Variants in PPP1R9B observed in about 807,000 individuals in gnomAD.
PPP1R9B encodes the protein neurabin-2.
Under a neutral mutation model 75.8 loss-of-function variants are expected in PPP1R9B, and 17 were observed. The ratio of observed to expected loss-of-function variants is 0.22; its 90% CI spans 0.15 to 0.34. The LOEUF (loss-of-function observed/expected upper bound fraction) is 0.34. Among genes scored for constraint, PPP1R9B ranks in the 10% least tolerant of loss-of-function variants. The pLI, the probability that PPP1R9B is intolerant of heterozygous loss-of-function variation, is 1.00. For missense variants in PPP1R9B, 875 were observed against 1,196.0 expected (o/e 0.73, Z 3.96); for synonymous variants, 509 against 535.4 (o/e 0.95, Z 0.68).
In PPP1R9B at chr17:50,135,012, G is replaced by C. The variant is rs1454890126; in HGVS notation, c.*319C>G. 2.4e-6 allele frequency: 1 copy of C among 422,004 alleles called. No individual in the cohort carries two copies. Among genetic ancestry groups the C allele is most frequent in the Non-Finnish European group, 4.4e-6 (1 of 227,326 alleles). 26.1% of individuals were successfully genotyped at this position (422,004 alleles called of 1,614,324 possible). On this transcript the variant is annotated 3_prime_UTR_variant, in exon 10 of 10. Coordinates refer to ENST00000612501, the MANE Select transcript of PPP1R9B (RefSeq NM_032595.5). ...AGAGACAAAAGCTGGAGTGTGTAAAGTCTGGCAGTTTGATCTGCAGGTGCT... is the reference window on the plus strand; with the variant it reads ...AGAGACAAAAGCTGGAGTGTGTAAACTCTGGCAGTTTGATCTGCAGGTGCT...
chr17:50,135,293 G>T lies in PPP1R9B; in HGVS notation c.*38C>A. ...GGACAGGGGAGGGAGGACAATGGGAGGGGGGTTAATTATTGTCCAGTCATG... is the reference window on the plus strand; with the variant it reads ...GGACAGGGGAGGGAGGACAATGGGATGGGGGTTAATTATTGTCCAGTCATG... On this transcript the variant is annotated 3_prime_UTR_variant, in exon 10 of 10. Transcript: ENST00000612501. The T allele has an allele frequency of 6.4e-7, 1 of 1,558,174 alleles. No homozygotes were observed. The highest frequency in any genetic ancestry group is 2.2e-5 in the East Asian group (1 of 44,618).
At chr17:50,136,657 G>A (rs1161172494) in intron 7 of PPP1R9B, among the ~76,000 whole-genome samples, 1 of 152,052 alleles carries the variant, frequency 6.6e-6, no homozygotes, top group Non-Finnish European at 1.5e-5. Context: ...CTCTGCACTT[G>A]TGGCTTCCTG....
intron 1 of PPP1R9B, chr17:50,145,938 A>T (rs1453273770): frequency 6.5e-6 from 1 of 153,564 alleles, no homozygotes; most frequent in Non-Finnish European, 1.4e-5. Context: ...CAGGGGAAAA[A>T]GCTGGGCCTG....
Position 50,141,387 on chromosome 17 carries a change from A to T in PPP1R9B, c.1626-14T>A. On this transcript the variant is annotated splice_polypyrimidine_tract_variant and intron_variant, in intron 3 of 9. Coordinates refer to ENST00000612501, the MANE Select transcript of PPP1R9B (RefSeq NM_032595.5). ...TTCACCTGGATCCTAGCGGAGTGAC[A>T]TTGGTTAAGGGGTCACAGGGGAACC... 5 of 1,550,626 alleles carry T rather than the reference A, an allele frequency of 3.2e-6. No individual in the cohort carries two copies. Among genetic ancestry groups the T allele is most frequent in the Non-Finnish European group, 3.5e-6 (4 of 1,143,356 alleles).
At chr17:50,138,493 G>A (rs781256188) in intron 7 of PPP1R9B, among the ~76,000 whole-genome samples, 2 of 152,122 alleles carry the variant, frequency 1.3e-5, no homozygotes, top group Non-Finnish European at 2.9e-5. Flanking sequence ...TGCTGTGTCA[G>A]TGTGTGTACT....
In PPP1R9B at chr17:50,150,446, T is replaced by G; in HGVS notation, c.68A>C (p.Tyr23Ser). ...LRSASPHRSA[Y>S]EAGIQALKPP... ...CTTCAGCGCCTGGATGCCCGCCTCG[T>G]AGGCGCTGCGGTGCGGGGAGGCGCT... The change falls in exon 1 of 10, where the codon TAC becomes TCC. Residue 23 changes from tyrosine to serine, a missense_variant. Coordinates refer to ENST00000612501, the MANE Select transcript of PPP1R9B (RefSeq NM_032595.5). This position sits in a 1 kb window ranked among gnomAD's most constrained non-coding sequence, Gnocchi z 8.7. The G allele has an allele frequency of 7.2e-7, 1 of 1,388,976 alleles. No homozygotes were observed. The highest frequency in any genetic ancestry group is 1.5e-5 in the African/African-American group (1 of 65,746). 86.0% of individuals were successfully genotyped at this position (1,388,976 alleles called of 1,614,324 possible).
rs749400208 is a variant in PPP1R9B, at chr17:50,149,266, G to T, written c.1248C>A (p.Asp416Glu). ...AGGGGGGCTCCCCATCCTCCTCGTC[G>T]TCTTCGTCGTCCTCCTCCAGGGCAC... ...AGSALEEDDEDDEEDGEPPYE... is the reference protein window; with the variant it reads ...AGSALEEDDEEDEEDGEPPYE... The change falls in exon 1 of 10, where the codon GAC becomes GAA. Residue 416 changes from aspartate (D) to glutamate (E), a missense_variant. Asp to Glu is a conservative substitution (Grantham distance 45). This residue lies in a region of PPP1R9B where 449 missense variants were observed against 475.0 expected (regional missense o/e 0.95). Transcript: ENST00000612501. The surrounding 1 kb of genome is among the most constrained non-coding windows in gnomAD (Gnocchi z 7.2). 2.5e-6 allele frequency: 4 copies of T among 1,611,956 alleles called. No homozygotes were observed. The East Asian group carries it at 8.9e-5, about 36-fold the overall frequency.
chr17:50,137,680 G>A (rs1213465184), intron 7 of PPP1R9B, among the ~76,000 whole-genome samples: 1 of 152,136 alleles, frequency 6.6e-6, no homozygotes, highest in Non-Finnish European at 1.5e-5. Flanking sequence ...GTGGCTTTCC[G>A]AAAAATCCCA....
In PPP1R9B at chr17:50,139,237, A is replaced by G; in HGVS notation, c.2073+26T>C. 2 of 1,613,982 alleles carry G rather than the reference A, an allele frequency of 1.2e-6. No homozygotes were observed. The highest frequency in any genetic ancestry group is 1.3e-5 in the African/African-American group (1 of 75,062). ...CCTCAACACACACATGCACGCACGC[A>G]AAAGCACACACATACGCACCCTTAC... On this transcript the variant is annotated intron_variant, in intron 7 of 9. Transcript: ENST00000612501. The surrounding 1 kb of genome is among the most constrained non-coding windows in gnomAD (Gnocchi z 5.0).
At position 50,150,344 on chromosome 17, in the gene PPP1R9B, A is replaced by C; in HGVS notation, c.170T>G (p.Ile57Ser). ...HKKYGSNVHR[I>S]KSMFLQMGTT... The stretch of plus-strand genomic sequence containing the variant: ...GCCCATCTGCAGGAACATACTTTTG[A>C]TGCGGTGGACGTTGGAGCCATATTT... Residue 57 changes from isoleucine to serine, a missense_variant, in exon 1 of 10, where the codon ATC (isoleucine) becomes AGC (serine). Around this residue, in one of 4 missense-constraint regions of PPP1R9B, gnomAD observed 145 missense variants for 226.1 expected, o/e 0.64. Coordinates refer to ENST00000612501, the MANE Select transcript of PPP1R9B (RefSeq NM_032595.5). The surrounding 1 kb of genome is among the most constrained non-coding windows in gnomAD (Gnocchi z 8.7). The C allele has an allele frequency of 7.1e-7, 1 of 1,404,250 alleles. No individual in the cohort carries two copies. The highest frequency in any genetic ancestry group is 9.3e-7 in the Non-Finnish European group (1 of 1,073,982). The allele number at this position is 1,404,250 out of a possible 1,614,324, so 87.0% of individuals were successfully genotyped here. A position where few individuals can be genotyped will look rare whatever the true frequency, so the allele number is the denominator to read the frequency against.
chr17:50,140,671 G>A (rs1474116628), intron 4 of PPP1R9B, among the ~76,000 whole-genome samples: 2 of 152,198 alleles, frequency 1.3e-5, no homozygotes, highest in African/African-American at 2.4e-5. Context: ...GGATGGAGAG[G>A]AAATAGTGGA....
In PPP1R9B at chr17:50,135,741, T is replaced by G. The variant is rs1208425794; in HGVS notation, c.2304-92A>C. 3.4e-6 allele frequency: 4 copies of G among 1,166,166 alleles called. No individual in the cohort carries two copies. In the African/African-American group the frequency reaches 6.1e-5, roughly 18 times the overall value. The allele number at this position is 1,166,166 out of a possible 1,614,324, so 72.2% of individuals were successfully genotyped here. ...AGGTCCTCAGCTTTACCTGGGCAAC[T>G]CTGTCCTTCCCTGTTCTCAGGTCAG... is the stretch of plus-strand genomic sequence containing the variant. On this transcript the variant is annotated intron_variant, in intron 8 of 9. Coordinates refer to ENST00000612501, the MANE Select transcript of PPP1R9B (RefSeq NM_032595.5).
rs765127646 is a variant in PPP1R9B at position 50,149,578 on chromosome 17, C to A, written c.936G>T (p.Glu312Asp). 1 of 1,577,906 alleles carries A rather than the reference C, an allele frequency of 6.3e-7. No homozygotes were observed. Among genetic ancestry groups the A allele is most frequent in the Admixed American group, 1.8e-5 (1 of 56,926 alleles). ...CCTGGATCACCTCCCCGGGCGCCGACTCGGCCTCCGACTCCCCGCTCTCCT... is the reference window on the plus strand; with the variant it reads ...CCTGGATCACCTCCCCGGGCGCCGAATCGGCCTCCGACTCCCCGCTCTCCT... ...EVEESGESEA[E>D]SAPGEVIQAE... The change falls in exon 1 of 10, where the codon GAG becomes GAT. Residue 312 changes from glutamate (E) to aspartate (D), a missense_variant. Transcript: ENST00000612501. The surrounding 1 kb of genome is among the most constrained non-coding windows in gnomAD (Gnocchi z 7.2).
intron 7 of PPP1R9B, among the ~76,000 whole-genome samples, chr17:50,137,742 G>A (rs1290925847): frequency 2.6e-5 from 4 of 152,142 alleles, no homozygotes; most frequent in Non-Finnish European, 4.4e-5. Flanking sequence ...GTCTTTAGAG[G>A]GGAGGCAGGA....
intron 3 of PPP1R9B, 128 bp from the exon 4 acceptor site, chr17:50,141,501 A>C: frequency 1.8e-6 from 1 of 554,392 alleles, no homozygotes; most frequent in East Asian, 3.4e-5. Flanking sequence ...TCTACAAACA[A>C]TAAAAAGAAA....
At chr17:50,138,369 C>T (rs1188055340) in intron 7 of PPP1R9B, among the ~76,000 whole-genome samples, 3 of 152,052 alleles carry the variant, frequency 2.0e-5, no homozygotes, top group Non-Finnish European at 4.4e-5. Context: ...CTGATAGCCT[C>T]GAGTGTAATG....
At chr17:50,143,510 C>G (rs2144449930) in intron 3 of PPP1R9B, 88 bp downstream of exon 3, 1 of 1,512,988 alleles carries the variant, frequency 6.6e-7, no homozygotes. Context: ...GGAAGGCCCG[C>G]CCCACCCCCT....
Position 50,136,316 on chromosome 17 carries a change from A to T in PPP1R9B, c.2074-119T>A, listed in dbSNP as rs1912229110. The T allele has an allele frequency of 5.3e-6, 4 of 751,102 alleles. No homozygotes were observed. The East Asian group carries it at 1.1e-4, about 20-fold the overall frequency. 46.5% of individuals were successfully genotyped at this position (751,102 alleles called of 1,614,324 possible). The stretch of plus-strand genomic sequence containing the variant: ...TTCCTACCGTTGTGGAGTCCATTGC[A>T]CCCCAACTACTAACCCTCTTTGGCT... On this transcript the variant is annotated intron_variant, in intron 7 of 9. Transcript: ENST00000612501.
Position 50,139,416 on chromosome 17 carries a change from C to A in PPP1R9B, c.2019+13G>T, listed in dbSNP as rs778335861. ...CCTTTCCCTCCACCACTCCAGGGAGCCCCTCCTCCCACCTCCTTGAACTTG... is the reference window on the plus strand; with the variant it reads ...CCTTTCCCTCCACCACTCCAGGGAGACCCTCCTCCCACCTCCTTGAACTTG... On this transcript the variant is annotated intron_variant, in intron 6 of 9. Coordinates refer to ENST00000612501, the MANE Select transcript of PPP1R9B (RefSeq NM_032595.5). The surrounding 1 kb of genome is among the most constrained non-coding windows in gnomAD (Gnocchi z 5.0). The A allele has an allele frequency of 2.5e-6, 4 of 1,610,942 alleles. No individual in the cohort carries two copies. Among genetic ancestry groups the A allele is most frequent in the Admixed American group, 1.7e-5 (1 of 59,966 alleles).
Sources: gnomAD v4.1 joint callset for allele counts (sites outside exome capture counted in the v4.1 genomes callset) on GRCh38, gnomAD v4.1.1 for gene constraint, gnomAD v4.1.1 regional missense constraint, Gnocchi (gnomAD v3.1) non-coding constraint, MANE v1.5 for transcripts, NCBI Gene and HGNC (gene_info 2026-07-23, HGNC 2026-07-21) for gene names.